PLAC1: variants seen among roughly 807,000 people sequenced by gnomAD.
PLAC1 encodes the protein placenta associated 1.
For missense variants in PLAC1, 136 were observed against 163.2 expected (o/e 0.83, Z 0.91); for synonymous variants, 68 against 62.1 (o/e 1.09, Z -0.44).
At chrX:134,603,327 T>C (rs1407647088) in intron 1 of PLAC1, among the ~76,000 whole-genome samples, 2 of 37,000 alleles carry the variant, frequency 5.4e-5, no homozygotes, top group African/African-American at 1.1e-4. Context: ...TTTTTTTTTT[T>C]TTTTTTTTTT....
At chrX:134,643,459 G>A (rs1031601138) in intron 1 of PLAC1, among the ~76,000 whole-genome samples, 3 of 111,592 alleles carry the variant, frequency 2.7e-5, no homozygotes, top group Admixed American at 9.6e-5. Context: ...TATGAGGACC[G>A]AAAACTAACT....
chrX:134,582,030 A>G (rs929012269), intron 2 of PLAC1, among the ~76,000 whole-genome samples: 1 of 112,174 alleles, frequency 8.9e-6, no homozygotes, highest in Non-Finnish European at 1.9e-5. Context: ...GTTCGGAATC[A>G]TTTTTCTGAC....
At chrX:134,661,662 C>T (rs981689933), upstream of PLAC1, among the ~76,000 whole-genome samples, 52 of 112,015 alleles carry the variant, frequency 4.6e-4, no homozygotes, top group Non-Finnish European at 2.1e-4. Flanking sequence ...GTAAAAATAA[C>T]ATCTAAAATC....
intron 2 of PLAC1, among the ~76,000 whole-genome samples, chrX:134,578,863 G>A (rs1039277269): frequency 2.7e-5 from 3 of 109,585 alleles, no homozygotes; most frequent in African/African-American, 6.6e-5. Context: ...TTCTTGCACC[G>A]AATTTAAAAG....
chrX:134,753,421 C>G (rs5978040), intron 1 of PLAC1, among the ~76,000 whole-genome samples: 1 of 110,887 alleles, frequency 9.0e-6, no homozygotes, highest in Non-Finnish European at 1.9e-5. Flanking sequence ...CTGGAATCAT[C>G]AGTTTTAAAC....
At chrX:134,746,650 T>C (rs771943867) in intron 1 of PLAC1, among the ~76,000 whole-genome samples, 65 of 111,885 alleles carry the variant, frequency 5.8e-4, no homozygotes, top group Non-Finnish European at 1.1e-3. Context: ...ATAGATGATA[T>C]ATCACAGTCA....
At chrX:134,760,200 T>C (rs2078766473) in intron 1 of PLAC1, 1 of 112,160 alleles carries the variant, frequency 8.9e-6, no homozygotes, top group Non-Finnish European at 1.9e-5. Flanking sequence ...TTTCTATTTT[T>C]AGTTTAGTCT....
intron 1 of PLAC1, among the ~76,000 whole-genome samples, 151 bp downstream of exon 1, chrX:134,658,177 C>T (rs1569399513): frequency 8.9e-6 from 1 of 112,506 alleles, no homozygotes; most frequent in Non-Finnish European, 1.9e-5. Context: ...CAGATCTGGC[C>T]CCATCTGGGA....
intron 2 of PLAC1, among the ~76,000 whole-genome samples, chrX:134,681,612 G>A (rs1201245332): frequency 1.8e-5 from 2 of 111,742 alleles, no homozygotes; most frequent in African/African-American, 6.5e-5. Context: ...TGGTAATGAT[G>A]AGGATGAGGA....
chrX:134,586,944 G>A (rs768703291), intron 2 of PLAC1, among the ~76,000 whole-genome samples: 12 of 107,026 alleles, frequency 1.1e-4, no homozygotes, highest in African/African-American at 2.0e-4. Flanking sequence ...TGACCTGCCC[G>A]CCTTAAGCCT....
chrX:134,731,375 A>G (rs2078688689), intron 2 of PLAC1, among the ~76,000 whole-genome samples: 1 of 112,675 alleles, frequency 8.9e-6, no homozygotes, highest in African/African-American at 3.2e-5. Context: ...TGAATAAATG[A>G]GCAATGGTTG....
intron 2 of PLAC1, among the ~76,000 whole-genome samples, chrX:134,703,746 T>A (rs1359905845): frequency 1.8e-5 from 2 of 109,901 alleles, no homozygotes; most frequent in Non-Finnish European, 3.8e-5. Flanking sequence ...AGAATCCCAA[T>A]AATAATAAGG....
At chrX:134,676,302 C>A (rs967197497) in intron 2 of PLAC1, among the ~76,000 whole-genome samples, 6 of 111,202 alleles carry the variant, frequency 5.4e-5, no homozygotes, top group Admixed American at 9.5e-5. Context: ...AGGCTGCCTG[C>A]CGAGGCCTGG....
At chrX:134,580,566 G>C (rs952952162) in intron 2 of PLAC1, among the ~76,000 whole-genome samples, 2 of 111,863 alleles carry the variant, frequency 1.8e-5, no homozygotes, top group African/African-American at 6.5e-5. Flanking sequence ...TCATAACAGA[G>C]GACATAAAAG....
At chrX:134,726,837 A>AAC (rs2078676204) in intron 2 of PLAC1, among the ~76,000 whole-genome samples, 1 of 108,423 alleles carries the variant, frequency 9.2e-6, no homozygotes, top group East Asian at 2.9e-4. Flanking sequence ...AAAAAAAAAA[A>AAC]AAAAAACTTC....
At chrX:134,613,888 G>A (rs975140961) in intron 1 of PLAC1, among the ~76,000 whole-genome samples, 1 of 110,567 alleles carries the variant, frequency 9.0e-6, no homozygotes, top group Non-Finnish European at 1.9e-5. Flanking sequence ...CACCGCCTAC[G>A]AAATCAAGTC....
intron 2 of PLAC1, among the ~76,000 whole-genome samples, chrX:134,663,911 C>G (rs1349931198): frequency 1.8e-5 from 2 of 110,681 alleles, no homozygotes; most frequent in African/African-American, 6.6e-5. Flanking sequence ...TATATTTCAT[C>G]TTTGCTCTGC....
rs146752794 is a variant in PLAC1, at chrX:134,588,754, C to G, written c.-59+13297G>C. On this transcript the variant is annotated intron_variant, in intron 2 of 2. Coordinates refer to ENST00000359237, the MANE Select transcript of PLAC1 (RefSeq NM_021796.4). ...GAAGAGCAGCTGGGGAAAAATTTGA[C>G]TGATTTAGGGGCCCAGGGAGAAAAA... is the stretch of plus-strand genomic sequence containing the variant. Among the ~76,000 whole-genome samples the G allele has an allele frequency of 4.5e-3, 494 of 110,624 alleles. 1 individual carries two copies. The highest frequency in any genetic ancestry group is 7.7e-3 in the Non-Finnish European group (408 of 52,900).
At chrX:134,585,819 G>A in intron 2 of PLAC1, among the ~76,000 whole-genome samples, 1 of 111,482 alleles carries the variant, frequency 9.0e-6, no homozygotes, top group East Asian at 2.8e-4. Context: ...TCTCGGTATA[G>A]GTTACCAGCT....
Sources: gnomAD v4.1 joint callset for allele counts (sites outside exome capture counted in the v4.1 genomes callset) on GRCh38, gnomAD v4.1.1 for gene constraint, MANE v1.5 for transcripts, NCBI Gene and HGNC (gene_info 2026-07-23, HGNC 2026-07-21) for gene names.